Variants in PARD3B observed in about 807,000 individuals in gnomAD.
PARD3B encodes the protein par-3 family cell polarity regulator beta.
Under a neutral mutation model 130.2 loss-of-function variants are expected in PARD3B, and 103 were observed. The ratio of observed to expected loss-of-function variants is 0.79; its 90% CI spans 0.67 to 0.93. PARD3B has a LOEUF of 0.93. PARD3B is among the 40% of genes least tolerant of loss of function. The pLI is 0.00. For synonymous variants in PARD3B, 583 were observed against 553.2 expected (o/e 1.05, Z -0.76); for missense variants, 1,609 against 1,499.2 (o/e 1.07, Z -1.21).
Position 204,883,451 on chromosome 2 carries a change from A to AT in PARD3B, c.223-81700dup, listed in dbSNP as rs1449201858. On this transcript the variant is annotated intron_variant, in intron 2 of 22. Coordinates refer to ENST00000406610, the MANE Select transcript of PARD3B (RefSeq NM_001302769.2). ...ATATATAAAATATATATATATATAT[A>AT]TATATTTTTTTTTTTGAGACAGAGT... Among the ~76,000 whole-genome samples the AT allele has an allele frequency of 5.9e-4, 63 of 106,450 alleles. 2 individuals carry two copies. The highest frequency in any genetic ancestry group is 2.3e-3 in the African/African-American group (46 of 19,644). The allele number at this position is 106,450 out of a possible 152,430, so 69.8% of individuals were successfully genotyped here. A position where few individuals can be genotyped will look rare whatever the true frequency, so the allele number is the denominator to read the frequency against.
chr2:205,453,759 GAA>G (rs1487141932), intron 20 of PARD3B, among the ~76,000 whole-genome samples: 1 of 152,100 alleles, frequency 6.6e-6, no homozygotes, highest in Non-Finnish European at 1.5e-5. Flanking sequence ...AAAGGAAAAA[GAA>G]AGAGCATTAC....
intron 18 of PARD3B, among the ~76,000 whole-genome samples, chr2:205,350,893 G>A (rs556850699): frequency 4.1e-4 from 63 of 152,074 alleles, no homozygotes; most frequent in Middle Eastern, 3.4e-3. Flanking sequence ...GACTTTTCTC[G>A]TTTTTAATTA....
At chr2:204,803,158 A>AT (rs1229984591) in intron 2 of PARD3B, among the ~76,000 whole-genome samples, 385 of 133,224 alleles carry the variant, frequency 2.9e-3, no homozygotes, top group African/African-American at 4.9e-3. Flanking sequence ...AAAAAAAAAA[A>AT]AAAAAATATA....
intron 2 of PARD3B, among the ~76,000 whole-genome samples, chr2:204,929,363 TA>T (rs1409059196): frequency 2.6e-5 from 4 of 152,162 alleles, no homozygotes; most frequent in Non-Finnish European, 2.9e-5. Context: ...CCAATATTAG[TA>T]ACTTGAAGAA....
In PARD3B at chr2:205,574,530, C is replaced by A. The variant is rs141508793; in HGVS notation, c.3260+21127C>A. Among the ~76,000 whole-genome samples, 301 of 152,214 alleles carry A rather than the reference C, an allele frequency of 2.0e-3. 1 individual carries two copies. The highest frequency in any genetic ancestry group is 6.8e-3 in the African/African-American group (283 of 41,532). ...GACAATGGCTCCTCTAGAATAATTCCGGAAAGATCTATACCAACAGCGCTT... is the reference window on the plus strand; with the variant it reads ...GACAATGGCTCCTCTAGAATAATTCAGGAAAGATCTATACCAACAGCGCTT... On this transcript the variant is annotated intron_variant, in intron 22 of 22. Coordinates refer to ENST00000406610, the MANE Select transcript of PARD3B (RefSeq NM_001302769.2).
chr2:205,577,253 GT>G (rs36019925), intron 22 of PARD3B, among the ~76,000 whole-genome samples: 10 of 151,122 alleles, frequency 6.6e-5, no homozygotes, highest in African/African-American at 2.4e-4. Flanking sequence ...AATGAAGACA[GT>G]TTTTTTTTCT....
chr2:205,250,216 T>C (rs1405689938), intron 16 of PARD3B, among the ~76,000 whole-genome samples: 1 of 151,738 alleles, frequency 6.6e-6, no homozygotes, highest in Non-Finnish European at 1.5e-5. Context: ...TAAATTTTAC[T>C]TTTTTTAGTG....
At chr2:204,911,887 A>G (rs1379108467) in intron 2 of PARD3B, among the ~76,000 whole-genome samples, 2 of 152,234 alleles carry the variant, frequency 1.3e-5, no homozygotes, top group Non-Finnish European at 1.5e-5. Flanking sequence ...TGTTTGTCAA[A>G]TATACTTCAT....
chr2:204,914,261 C>T (rs1559253818), intron 2 of PARD3B, among the ~76,000 whole-genome samples: 1 of 152,112 alleles, frequency 6.6e-6, no homozygotes, highest in Non-Finnish European at 1.5e-5. Flanking sequence ...CAATAAATTC[C>T]ATTTTTCTCA....
At chr2:204,941,263 A>G (rs1688878403) in intron 2 of PARD3B, among the ~76,000 whole-genome samples, 1 of 152,216 alleles carries the variant, frequency 6.6e-6, no homozygotes, top group Non-Finnish European at 1.5e-5. Flanking sequence ...AGTCCCGGCT[A>G]TTCAGGAGGC....
At chr2:204,632,585 G>A (rs955482421) in intron 1 of PARD3B, among the ~76,000 whole-genome samples, 4 of 152,138 alleles carry the variant, frequency 2.6e-5, no homozygotes, top group African/African-American at 4.8e-5. Context: ...TACCCTAGGT[G>A]CCTGGGTTTT....
intron 21 of PARD3B, among the ~76,000 whole-genome samples, chr2:205,526,788 T>C (rs2051358859): frequency 6.6e-6 from 1 of 152,246 alleles, no homozygotes. Context: ...GCTTAAGGTA[T>C]GCAATGGCCA....
intron 1 of PARD3B, among the ~76,000 whole-genome samples, chr2:204,617,998 A>G (rs1319621107): frequency 6.6e-6 from 1 of 152,200 alleles, no homozygotes; most frequent in Non-Finnish European, 1.5e-5. Context: ...TAGTGCTATG[A>G]TGAACATACA....
intron 2 of PARD3B, among the ~76,000 whole-genome samples, chr2:204,817,642 G>C (rs1020764505): frequency 6.6e-6 from 1 of 152,056 alleles, no homozygotes; most frequent in Admixed American, 6.6e-5. Context: ...CAGATCTCTG[G>C]AGTTATTTCT....
At position 204,689,221 on chromosome 2, in the gene PARD3B, T is replaced by C. The variant is rs953482130; in HGVS notation, c.222+2939T>C. Among the ~76,000 whole-genome samples the C allele has an allele frequency of 3.3e-5, 5 of 152,192 alleles. No homozygotes were observed. The highest frequency in any genetic ancestry group is 6.5e-5 in the Admixed American group (1 of 15,270). On this transcript the variant is annotated intron_variant, in intron 2 of 22. Coordinates refer to ENST00000406610, the MANE Select transcript of PARD3B (RefSeq NM_001302769.2). The surrounding 1 kb of genome is among the most constrained non-coding windows in gnomAD (Gnocchi z 5.2). ...GCCTAAAGTGGTTTGTCTGTGGTCT[T>C]ACTTCTATTATTCCTTTGGCCAACA...
Position 205,207,065 on chromosome 2 carries a change from A to G in PARD3B, c.2140+13745A>G, listed in dbSNP as rs563109567. ...ACTAGAACTCAGGATTAAGAATCTCACTCAAAACCGCTCAACTACATGGAA... is the reference window on the plus strand; with the variant it reads ...ACTAGAACTCAGGATTAAGAATCTCGCTCAAAACCGCTCAACTACATGGAA... On this transcript the variant is annotated intron_variant, in intron 15 of 22. Transcript: ENST00000406610. 6.6e-3 allele frequency among the ~76,000 whole-genome samples: 951 copies of G among 143,904 alleles called. 6 individuals are homozygous for G. The highest frequency in any genetic ancestry group is 0.012 in the African/African-American group (426 of 37,042). 94.4% of individuals were successfully genotyped at this position (143,904 alleles called of 152,430 possible). A position where few individuals can be genotyped will look rare whatever the true frequency, so the allele number is the denominator to read the frequency against.
At chr2:205,196,086 T>C (rs2036666461) in intron 15 of PARD3B, among the ~76,000 whole-genome samples, 1 of 152,144 alleles carries the variant, frequency 6.6e-6, no homozygotes, top group Non-Finnish European at 1.5e-5. Flanking sequence ...ACAATTCCAA[T>C]TAAGAAAAAA....
chr2:205,482,836 G>A (rs951129382), intron 20 of PARD3B: 1 of 152,114 alleles, frequency 6.6e-6, no homozygotes. Context: ...GCTGATTTTA[G>A]AGAAACAATC....
At chr2:205,058,479 G>T (rs1018907898) in intron 4 of PARD3B, among the ~76,000 whole-genome samples, 2 of 151,848 alleles carry the variant, frequency 1.3e-5, no homozygotes, top group Admixed American at 1.3e-4. Flanking sequence ...TTGGATCATA[G>T]GGTTTATTCT....
Sources: allele counts gnomAD v4.1 joint callset (sites outside exome capture counted in the v4.1 genomes callset), GRCh38; gene constraint gnomAD v4.1.1; non-coding constraint Gnocchi (gnomAD v3.1); transcripts MANE v1.5; gene names NCBI Gene and HGNC (gene_info 2026-07-23, HGNC 2026-07-21).